The following MAK variants were observed in gnomAD, a reference collection of about 807,000 sequenced individuals.
The protein encoded by MAK is male germ cell associated kinase, also known as serine/threonine-protein kinase MAK.
In MAK, 65 loss-of-function variants were observed where a neutral mutation model predicts 82.6. The observed-to-expected ratio is 0.79, with a 90% confidence interval of 0.64 to 0.97. MAK has a LOEUF of 0.97. Among genes scored for constraint, MAK ranks in the 50% least tolerant of loss-of-function variants. MAK has a pLI of 0.00. For synonymous variants in MAK, 250 were observed against 274.2 expected, an observed-to-expected ratio of 0.91 and a Z score of 0.87; for missense variants, 703 against 780.2, an observed-to-expected ratio of 0.90 and a Z score of 1.18.
At position 10,801,915 on chromosome 6, in the gene MAK, T is replaced by C; in HGVS notation, c.808A>G (p.Lys270Glu). 2 of 1,614,162 alleles carry C rather than the reference T, an allele frequency of 1.2e-6. No homozygotes were observed. Among genetic ancestry groups the C allele is most frequent in the Non-Finnish European group, 8.5e-7 (1 of 1,180,022 alleles). Residue 270 changes from lysine to glutamate, a missense_variant, in exon 8 of 15, where the codon AAG becomes GAG. Transcript: ENST00000354489. ...LMTEMLNWDP[K>E]KRPTASQALK... ...ACCTGGCTTGCTGTCGGTCGTTTCTTTGGATCCCAATTCAACATTTCGGTC... is the reference window on the plus strand; with the variant it reads ...ACCTGGCTTGCTGTCGGTCGTTTCTCTGGATCCCAATTCAACATTTCGGTC...
At chr6:10,831,259 C>T (rs924482614) in intron 1 of MAK, among the ~76,000 whole-genome samples, 33 of 152,138 alleles carry the variant, frequency 2.2e-4, no homozygotes, top group African/African-American at 8.0e-4. Flanking sequence ...AACTGTACTA[C>T]TTGTAAATTT....
chr6:10,764,736 T>C (rs1475132732), intron 14 of MAK, 130 bp from the exon 15 acceptor site: 2 of 945,602 alleles, frequency 2.1e-6, no homozygotes, highest in Admixed American at 1.9e-5. Flanking sequence ...CAGTACTCTC[T>C]GAGGCTTTTT....
chr6:10,769,936 A>C lies in MAK; in HGVS notation c.1792+175T>G, dbSNP rs1201148894. Reference sequence around the variant, plus strand: ...TAGCTCTTATAATTATTAGACCCTCAAATCCTCATTTTTGGAAGAAAAATA... The same window carrying C: ...TAGCTCTTATAATTATTAGACCCTCCAATCCTCATTTTTGGAAGAAAAATA... On this transcript the variant is annotated intron_variant, in intron 14 of 14. Coordinates refer to ENST00000354489, the MANE Select transcript of MAK (RefSeq NM_001242957.3). 4 of 1,245,668 alleles carry C rather than the reference A, an allele frequency of 3.2e-6. No individual in the cohort carries two copies. In the African/African-American group the frequency reaches 4.5e-5, roughly 14 times the overall value. 77.2% of individuals were successfully genotyped at this position (1,245,668 alleles called of 1,614,324 possible).
At chr6:10,830,135 G>A (rs1778685908) in intron 2 of MAK, among the ~76,000 whole-genome samples, 1 of 149,468 alleles carries the variant, frequency 6.7e-6, no homozygotes, top group Non-Finnish European at 1.5e-5. Flanking sequence ...GTGTGTGTGT[G>A]TGTGTGTGTG....
At chr6:10,824,846 C>T (rs1778241442) in intron 2 of MAK, among the ~76,000 whole-genome samples, 1 of 152,162 alleles carries the variant, frequency 6.6e-6, no homozygotes, top group Non-Finnish European at 1.5e-5. Context: ...GAACAGTGCT[C>T]ACCGTGGCCG....
intron 2 of MAK, 63 bp downstream of exon 2, chr6:10,830,485 C>A (rs1778732911): frequency 1.1e-5 from 15 of 1,350,912 alleles, no homozygotes; most frequent in Admixed American, 8.4e-5. Flanking sequence ...TATTCTTAAG[C>A]GAGGACAGGA....
chr6:10,830,735 T>TTAATTTTTA lies in MAK; in HGVS notation c.-88_-87insTAAAAATTA, dbSNP rs1778755598. The TTAATTTTTA allele has an allele frequency of 9.7e-7, 1 of 1,035,826 alleles. No homozygotes were observed. The highest frequency in any genetic ancestry group is 1.6e-5 in the African/African-American group (1 of 63,890). The allele number at this position is 1,035,826 out of a possible 1,614,324, so 64.2% of individuals were successfully genotyped here. ...TGAACGCTTCTTAATTTTTATTTGC[T>TTAATTTTTA]TTTGTCCTCACACTGTTGTTGCTAC... On this transcript the variant is annotated 5_prime_UTR_variant, in exon 2 of 15. Coordinates refer to ENST00000354489, the MANE Select transcript of MAK (RefSeq NM_001242957.3).
At chr6:10,819,949 A>G (rs1173579951) in intron 2 of MAK, among the ~76,000 whole-genome samples, 2 of 151,598 alleles carry the variant, frequency 1.3e-5, no homozygotes, top group Non-Finnish European at 2.9e-5. Flanking sequence ...CATCTCTACT[A>G]AAAATACAAA....
intron 14 of MAK, among the ~76,000 whole-genome samples, chr6:10,769,681 T>A (rs957750890): frequency 1.3e-5 from 2 of 152,204 alleles, no homozygotes; most frequent in Admixed American, 6.5e-5. Context: ...GAAAAGGCAT[T>A]TTCTCACATC....
intron 14 of MAK, 53 bp from the exon 15 acceptor site, chr6:10,764,659 T>A (rs1772232921): frequency 3.3e-6 from 5 of 1,511,058 alleles, no homozygotes; most frequent in Middle Eastern, 1.7e-4. Context: ...CTTATCAAAC[T>A]CAAAATAAAG....
intron 4 of MAK, among the ~76,000 whole-genome samples, chr6:10,816,548 C>A (rs1485152662): frequency 2.0e-5 from 3 of 152,070 alleles, no homozygotes; most frequent in African/African-American, 7.2e-5. Flanking sequence ...AATCCCACCA[C>A]CTGATTAAGA....
chr6:10,784,531 C>T lies in MAK; in HGVS notation c.1358G>A (p.Gly453Glu). Residue 453 changes from glycine (G) to glutamate (E), a missense_variant, in exon 11 of 15, where the codon GGG becomes GAG. Gly to Glu is a moderately conservative substitution (Grantham distance 98). Coordinates refer to ENST00000354489, the MANE Select transcript of MAK (RefSeq NM_001242957.3). ...PVPSGSNHST[G>E]ENKSLPAVTS... ...AACAGCAGGTAAGCTCTTGTTTTCC[C>T]CTGTCGAGTGGTTGGAGCCTGAGGG... The T allele has an allele frequency of 6.2e-7, 1 of 1,614,098 alleles. No individual in the cohort carries two copies. Among genetic ancestry groups the T allele is most frequent in the Non-Finnish European group, 8.5e-7 (1 of 1,180,024 alleles).
intron 13 of MAK, among the ~76,000 whole-genome samples, chr6:10,770,570 G>C (rs1343244862): frequency 1.3e-5 from 2 of 152,110 alleles, no homozygotes; most frequent in Admixed American, 1.3e-4. Flanking sequence ...CTTCACATGG[G>C]GGTGTATTTC....
chr6:10,820,007 G>A (rs1227642934), intron 2 of MAK, among the ~76,000 whole-genome samples: 1 of 151,868 alleles, frequency 6.6e-6, no homozygotes, highest in Non-Finnish European at 1.5e-5. Flanking sequence ...AGCTACTTGG[G>A]TGGCTGAGGC....
rs371774117 is a variant in MAK, at chr6:10,796,095, G to A, written c.1046C>T (p.Pro349Leu). The A allele has an allele frequency of 8.7e-5, 140 of 1,614,118 alleles. 2 individuals are homozygous for A. Among genetic ancestry groups the A allele is most frequent in the Non-Finnish European group, 1.1e-4 (128 of 1,180,022 alleles). The change falls in exon 9 of 15, where the codon CCG (proline) becomes CTG (leucine). Residue 349 changes from proline (P) to leucine (L), a missense_variant. Transcript: ENST00000354489. ...TTGCTGGACGCTCAGGTTCTGTGGC[G>A]GCTGAATGGGCTGCAGTGGCTGCTG... is the stretch of plus-strand genomic sequence containing the variant. ...TSQQPLQPIQ[P>L]PQNLSVQQPP... is the part of the protein sequence containing the mutation.
intron 2 of MAK, 145 bp from the exon 3 acceptor site, chr6:10,819,085 T>C: frequency 1.5e-6 from 1 of 658,168 alleles, no homozygotes; most frequent in Non-Finnish European, 2.8e-6. Flanking sequence ...AATCACCTCC[T>C]ATACCTCAAG....
At chr6:10,827,994 A>G (rs1315380246) in intron 2 of MAK, among the ~76,000 whole-genome samples, 1 of 152,154 alleles carries the variant, frequency 6.6e-6, no homozygotes, top group Non-Finnish European at 1.5e-5. Flanking sequence ...AGGCTTTATC[A>G]TAAGTTTTTT....
chr6:10,773,686 A>T (rs904171389), intron 12 of MAK, among the ~76,000 whole-genome samples: 2 of 150,432 alleles, frequency 1.3e-5, no homozygotes, highest in African/African-American at 4.9e-5. Flanking sequence ...TAAAACTATT[A>T]GTGATTTTTT....
At chr6:10,810,367 T>G (rs2127567065) in intron 5 of MAK, among the ~76,000 whole-genome samples, 1 of 149,762 alleles carries the variant, frequency 6.7e-6, no homozygotes, top group Admixed American at 6.6e-5. Flanking sequence ...TTTTTTTTGT[T>G]TTGAGACGGA....
Sources: allele counts gnomAD v4.1 joint callset (sites outside exome capture counted in the v4.1 genomes callset), GRCh38; gene constraint gnomAD v4.1.1; transcripts MANE v1.5; gene names NCBI Gene and HGNC (gene_info 2026-07-23, HGNC 2026-07-21).